The following ZNF668 variants were observed in gnomAD, a reference collection of about 807,000 sequenced individuals.
The protein encoded by ZNF668 is zinc finger protein 668.
Under a neutral mutation model 40.3 loss-of-function variants are expected in ZNF668, and 10 were observed. The ratio of observed to expected loss-of-function variants is 0.25; its 90% CI spans 0.15 to 0.42. ZNF668 has a LOEUF of 0.42. Ranked by LOEUF, ZNF668 falls within the 10% of genes least tolerant of loss-of-function variation. The probability of loss-of-function intolerance (pLI) is 1.00; values close to 1 mark genes in which losing one functional copy is unlikely to be tolerated. For synonymous variants in ZNF668, 428 were observed against 384.6 expected (o/e 1.11, Z -1.32); for missense variants, 749 against 904.6 (o/e 0.83, Z 2.21).
In ZNF668 at chr16:31,061,068, T is replaced by C; in HGVS notation, c.1860A>G (p.Ter620TrpextTer3). ...GTGTGGTGCTGGGGGGTCATGGGCTTCAGGCCGGCCCCTCTTCAGGCATTC... is the reference window on the plus strand; with the variant it reads ...GTGTGGTGCTGGGGGGTCATGGGCTCCAGGCCGGCCCCTCTTCAGGCATTC... ...LLGMPEEGPA* is the reference protein window; with the variant it reads ...LLGMPEEGPAW Residue 620 changes from the stop codon to tryptophan, a stop_lost, in exon 3 of 3, where the codon TGA (stop) becomes TGG (tryptophan). Transcript: ENST00000300849. The surrounding 1 kb of genome is among the most constrained non-coding windows in gnomAD (Gnocchi z 7.7). 6.7e-7 allele frequency: 1 copy of C among 1,488,836 alleles called. No homozygotes were observed. The highest frequency in any genetic ancestry group is 8.9e-7 in the Non-Finnish European group (1 of 1,121,762). 92.2% of individuals were successfully genotyped at this position (1,488,836 alleles called of 1,614,324 possible). A position where few individuals can be genotyped will look rare whatever the true frequency, so the allele number is the denominator to read the frequency against.
rs768462139 is a variant in ZNF668, at chr16:31,064,248, C to T, written c.212G>A (p.Gly71Glu). The T allele has an allele frequency of 3.1e-6, 5 of 1,613,530 alleles. No homozygotes were observed. Among genetic ancestry groups the T allele is most frequent in the Non-Finnish European group, 4.2e-6 (5 of 1,180,032 alleles). Residue 71 changes from glycine to glutamate, a missense_variant, in exon 2 of 3, where the codon GGG (glycine) becomes GAG (glutamate). This residue lies in a region of ZNF668 where 159 missense variants were observed against 139.8 expected (regional missense o/e 1.14). Coordinates refer to ENST00000300849, the MANE Select transcript of ZNF668 (RefSeq NM_024706.5). Reference sequence around the variant, plus strand: ...GGCCGCGGAGCCTGACACCTTCTCCCCACTGGCTTCCTCTGCCTTAGCTTC... The same window carrying T: ...GGCCGCGGAGCCTGACACCTTCTCCTCACTGGCTTCCTCTGCCTTAGCTTC... ...ETEAKAEEAS[G>E]EKVSGSAAKP...
chr16:31,063,348 C>T (rs1383238106), intron 2 of ZNF668, among the ~76,000 whole-genome samples: 1 of 152,000 alleles, frequency 6.6e-6, no homozygotes, highest in Non-Finnish European at 1.5e-5. Context: ...CCAGGCTGGT[C>T]TTGAACTCTT....
At chr16:31,062,453 T>G (rs1567398746) in intron 2 of ZNF668, 173 bp from the exon 3 acceptor site, 1 of 915,226 alleles carries the variant, frequency 1.1e-6, no homozygotes, top group South Asian at 1.8e-5. Context: ...TGGCTGGGTG[T>G]CTCTATTCCA....
At position 31,061,452 on chromosome 16, in the gene ZNF668, C is replaced by T. The variant is rs1359203416; in HGVS notation, c.1476G>A (p.Arg492=). Residue 492 remains arginine (R), a synonymous_variant, in exon 3 of 3, where the codon CGG becomes CGA. Coordinates refer to ENST00000300849, the MANE Select transcript of ZNF668 (RefSeq NM_024706.5). This position sits in a 1 kb window ranked among gnomAD's most constrained non-coding sequence, Gnocchi z 7.7. ...CCCCTTCCAAGGGACCAGGAGCCTC[C>T]CGGACACCAGCATCTTGGCATTCCA... ...EHVECQDAGV[R]EAPGPLEGAG... 1 of 1,613,876 alleles carries T rather than the reference C, an allele frequency of 6.2e-7. No homozygotes were observed. Among genetic ancestry groups the T allele is most frequent in the South Asian group, 1.1e-5 (1 of 91,088 alleles).
intron 1 of ZNF668, chr16:31,073,145 C>T (rs1372042743): frequency 1.4e-4 from 21 of 152,348 alleles, no homozygotes; most frequent in Admixed American, 1.4e-3. Context: ...GGCAGGACCC[C>T]GGTTATAAGC....
chr16:31,070,907 G>A (rs1026429038), intron 1 of ZNF668, among the ~76,000 whole-genome samples: 1 of 151,830 alleles, frequency 6.6e-6, no homozygotes, highest in Non-Finnish European at 1.5e-5. Flanking sequence ...TGTTGCCCAG[G>A]CTGGAGTGCA....
Position 31,061,604 on chromosome 16 carries a change from T to A in ZNF668, c.1324A>T (p.Ser442Cys). The A allele has an allele frequency of 6.2e-7, 1 of 1,609,636 alleles. No individual in the cohort carries two copies. Among genetic ancestry groups the A allele is most frequent in the Non-Finnish European group, 8.5e-7 (1 of 1,179,744 alleles). The change falls in exon 3 of 3, where the codon AGT becomes TGT. Residue 442 changes from serine to cysteine, a missense_variant. This residue lies in a region of ZNF668 where 310 missense variants were observed against 355.1 expected (regional missense o/e 0.87). Coordinates refer to ENST00000300849, the MANE Select transcript of ZNF668 (RefSeq NM_024706.5). The surrounding 1 kb of genome is among the most constrained non-coding windows in gnomAD (Gnocchi z 7.7). ...GCCCCTGCTGCCGGGGCGGCTGAAC[T>A]CTCACCTGCCACGCCCACAGGCAGC... ...LALPVGVAGE[S>C]SAAPAAGAGL... is the part of the protein sequence containing the mutation.
rs565573735 is a variant in ZNF668, at chr16:31,061,113, CTCCAGGGGT to C, written c.1806_1814del (p.Glu605_Leu607del). ...GCATTCCTAGCAAAGCCACCAGGGG[CTCCAGGGGT>C]GTGGGGGTCCCCATGGGCACAGGGT... On this transcript the variant is annotated inframe_deletion, in exon 3 of 3. Coordinates refer to ENST00000300849, the MANE Select transcript of ZNF668 (RefSeq NM_024706.5). The surrounding 1 kb of genome is among the most constrained non-coding windows in gnomAD (Gnocchi z 7.7). 36 of 1,509,436 alleles carry C rather than the reference CTCCAGGGGT, an allele frequency of 2.4e-5. No individual in the cohort carries two copies. In the African/African-American group the frequency reaches 4.2e-4, roughly 18 times the overall value. The allele number at this position is 1,509,436 out of a possible 1,614,324, so 93.5% of individuals were successfully genotyped here. A position where few individuals can be genotyped will look rare whatever the true frequency, so the allele number is the denominator to read the frequency against.
Position 31,062,241 on chromosome 16 carries a change from G to T in ZNF668, c.687C>A (p.Cys229Ter). ...AGGATGAGCGGGAGAAGCTCTTCCC[G>T]CACTCGGAGCAGAGGAAGGGGCGCT... ...TGERPFLCSE[C>*]GKSFSRSSSL... is the part of the protein sequence containing the mutation. The change falls in exon 3 of 3, where the codon TGC becomes TGA. Residue 229 changes from cysteine (C) to a stop codon, truncating the protein, a stop_gained. Transcript: ENST00000300849. LOFTEE classifies it high-confidence loss of function. The T allele has an allele frequency of 6.2e-7, 1 of 1,610,360 alleles. No homozygotes were observed.
At chr16:31,071,661 C>G (rs185754750) in intron 1 of ZNF668, among the ~76,000 whole-genome samples, 1 of 152,072 alleles carries the variant, frequency 6.6e-6, no homozygotes, top group Non-Finnish European at 1.5e-5. Context: ...ACTACGCTGC[C>G]GACAGTGGTC....
At chr16:31,065,177 A>T (rs2056972238) in intron 1 of ZNF668, 2 of 981,446 alleles carry the variant, frequency 2.0e-6, no homozygotes, top group Admixed American at 1.1e-4. Flanking sequence ...CATTGCTAGC[A>T]GCTGGAAGCC....
intron 1 of ZNF668, chr16:31,069,060 A>T (rs2056997821): frequency 1.3e-5 from 2 of 152,154 alleles, no homozygotes. Context: ...ACAGCTGGTC[A>T]AGGAGCCAGA....
At chr16:31,066,474 G>C in intron 1 of ZNF668, 1 of 681,122 alleles carries the variant, frequency 1.5e-6, no homozygotes, top group Middle Eastern at 7.4e-4. Flanking sequence ...GGAGGATCCT[G>C]TGAACCCAGG....
intron 1 of ZNF668, chr16:31,066,154 A>G (rs1441221101): frequency 1.0e-6 from 1 of 985,334 alleles, no homozygotes; most frequent in East Asian, 1.1e-4. Context: ...CCCCAACCCC[A>G]TGCAGCCGGT....
chr16:31,061,534 T>G lies in ZNF668; in HGVS notation c.1394A>C (p.Glu465Ala). Residue 465 changes from glutamate to alanine, a missense_variant, in exon 3 of 3, where the codon GAG becomes GCG. Physicochemically the swap from Glu to Ala is moderately radical, Grantham distance 107. Coordinates refer to ENST00000300849, the MANE Select transcript of ZNF668 (RefSeq NM_024706.5). This position sits in a 1 kb window ranked among gnomAD's most constrained non-coding sequence, Gnocchi z 7.7. ...CTGTGTGGCCATCACACCACCTGAC[T>G]CCGGGGGCAGCCCTAGCAGCCCTGC... ...PPAGLLGLPP[E>A]SGGVMATQWQ... 6.2e-7 allele frequency: 1 copy of G among 1,611,288 alleles called. No homozygotes were observed. The highest frequency in any genetic ancestry group is 8.5e-7 in the Non-Finnish European group (1 of 1,179,902).
intron 1 of ZNF668, chr16:31,065,106 G>T: frequency 9.8e-7 from 1 of 1,017,192 alleles, no homozygotes; most frequent in Non-Finnish European, 1.2e-6. Flanking sequence ...CTCTGCTCTG[G>T]AATCTTGTTG....
At chr16:31,063,340 A>G (rs1324283659) in intron 2 of ZNF668, among the ~76,000 whole-genome samples, 1 of 152,006 alleles carries the variant, frequency 6.6e-6, no homozygotes, top group Non-Finnish European at 1.5e-5. Context: ...TGTGTTGCCC[A>G]GGCTGGTCTT....
At chr16:31,068,264 AT>A (rs2056992773) in intron 1 of ZNF668, among the ~76,000 whole-genome samples, 1 of 111,770 alleles carries the variant, frequency 8.9e-6, no homozygotes, top group Non-Finnish European at 1.9e-5. Context: ...ATATATATAT[AT>A]AATTTTTGAG....
Position 31,061,887 on chromosome 16 carries a change from C to G in ZNF668, c.1041G>C (p.Ala347=). 6.2e-7 allele frequency: 1 copy of G among 1,612,962 alleles called. No individual in the cohort carries two copies. The highest frequency in any genetic ancestry group is 8.5e-7 in the Non-Finnish European group (1 of 1,179,512). Residue 347 remains alanine (A), a synonymous_variant, in exon 3 of 3, where the codon GCG becomes GCC. Transcript: ENST00000300849. This position sits in a 1 kb window ranked among gnomAD's most constrained non-coding sequence, Gnocchi z 7.7. ...GCGCGTGCCGCTTGAGGTCCCAGGA[C>G]GCCACGAACGTCTTGTCACATTGCA... is the stretch of plus-strand genomic sequence containing the variant. ...KCLQCDKTFV[A]SWDLKRHALV... is the part of the protein sequence containing the mutation.
Sources: allele counts gnomAD v4.1 joint callset (sites outside exome capture counted in the v4.1 genomes callset), GRCh38; gene constraint gnomAD v4.1.1; regional missense constraint gnomAD v4.1.1; non-coding constraint Gnocchi (gnomAD v3.1); transcripts MANE v1.5; gene names NCBI Gene and HGNC (gene_info 2026-07-23, HGNC 2026-07-21).